The following FHIT variants were observed in gnomAD, a reference collection of about 807,000 sequenced individuals.
FHIT encodes fragile histidine triad diadenosine triphosphatase, also known as bis(5'-adenosyl)-triphosphatase.
In FHIT, 19 loss-of-function variants were observed where a neutral mutation model predicts 17.9. The observed-to-expected ratio is 1.06, with a 90% CI of 0.74 to 1.56. FHIT has a LOEUF of 1.56. Among genes scored for constraint, FHIT ranks in the 40% most tolerant of loss-of-function variants. FHIT has a pLI of 0.00. For missense variants in FHIT, 248 were observed against 189.2 expected (o/e 1.31, Z -1.82); for synonymous variants, 81 against 69.7 (o/e 1.16, Z -0.81).
At chr3:60,442,384 T>C (rs1162415189) in intron 5 of FHIT, among the ~76,000 whole-genome samples, 2 of 152,150 alleles carry the variant, frequency 1.3e-5, no homozygotes, top group African/African-American at 4.8e-5. Flanking sequence ...TAGGTTTTCT[T>C]CTAGGGTTTT....
At chr3:59,972,946 C>T (rs1056749370) in intron 7 of FHIT, among the ~76,000 whole-genome samples, 1 of 152,076 alleles carries the variant, frequency 6.6e-6, no homozygotes, top group East Asian at 1.9e-4. Flanking sequence ...CCTGACTTAT[C>T]TCTTCCTCAA....
intron 3 of FHIT, among the ~76,000 whole-genome samples, chr3:61,023,765 A>G (rs2032585317): frequency 6.6e-6 from 1 of 152,206 alleles, no homozygotes; most frequent in South Asian, 2.1e-4. Context: ...TCCCTATTTA[A>G]TAAATGGTGT....
intron 5 of FHIT, among the ~76,000 whole-genome samples, chr3:60,128,511 T>C (rs1003580836): frequency 1.3e-5 from 2 of 152,202 alleles, no homozygotes; most frequent in African/African-American, 4.8e-5. Context: ...CTCGGATATG[T>C]CTATTAGCAG....
intron 5 of FHIT, among the ~76,000 whole-genome samples, chr3:60,415,882 ATAT>A (rs66966640): frequency 0.72 from 105,421 of 145,558 alleles, 42,663 homozygotes; most frequent in Non-Finnish European, 0.92. Flanking sequence ...ATACTATTAT[ATAT>A]TATTATTACA....
chr3:60,698,081 T>C (rs1206451121), intron 4 of FHIT, among the ~76,000 whole-genome samples: 5 of 152,138 alleles, frequency 3.3e-5, no homozygotes, highest in Non-Finnish European at 5.9e-5. Context: ...ATATCCTGAA[T>C]TGCCTGCAGA....
intron 7 of FHIT, among the ~76,000 whole-genome samples, chr3:59,967,088 C>T (rs1191259696): frequency 2.0e-5 from 3 of 152,008 alleles, no homozygotes; most frequent in African/African-American, 7.2e-5. Flanking sequence ...TAGGTCTACA[C>T]AAGGTCAGGA....
At chr3:61,119,534 T>A (rs1041996152) in intron 2 of FHIT, among the ~76,000 whole-genome samples, 4 of 152,290 alleles carry the variant, frequency 2.6e-5, no homozygotes, top group Admixed American at 2.6e-4. Flanking sequence ...AATTTTACTG[T>A]CAACTTGACT....
intron 8 of FHIT, among the ~76,000 whole-genome samples, chr3:59,877,652 A>C (rs192199337): frequency 6.6e-6 from 1 of 152,342 alleles, no homozygotes; most frequent in Non-Finnish European, 1.5e-5. Flanking sequence ...ATACCAAAAG[A>C]AAAAGTAAAA....
chr3:59,829,558 G>A (rs1199799032), intron 8 of FHIT, among the ~76,000 whole-genome samples: 1 of 152,158 alleles, frequency 6.6e-6, no homozygotes, highest in Non-Finnish European at 1.5e-5. Flanking sequence ...CACTATCCTT[G>A]CAGAGGAACT....
At chr3:60,755,272 G>C (rs1336785721) in intron 4 of FHIT, among the ~76,000 whole-genome samples, 1 of 152,208 alleles carries the variant, frequency 6.6e-6, no homozygotes, top group East Asian at 1.9e-4. Context: ...TACTGGATGA[G>C]TGATGAGGAC....
intron 4 of FHIT, among the ~76,000 whole-genome samples, chr3:60,610,860 C>T (rs2038764335): frequency 6.6e-6 from 1 of 152,134 alleles, no homozygotes; most frequent in Non-Finnish European, 1.5e-5. Context: ...TGGGAGGAGG[C>T]ATGGTGCAAT....
At chr3:59,786,638 A>G (rs1699312135) in intron 8 of FHIT, among the ~76,000 whole-genome samples, 1 of 152,256 alleles carries the variant, frequency 6.6e-6, no homozygotes, top group African/African-American at 2.4e-5. Context: ...TCTGTGGCTC[A>G]TCTGTAACCT....
chr3:60,439,298 AC>A (rs1202986724), intron 5 of FHIT, among the ~76,000 whole-genome samples: 2 of 152,102 alleles, frequency 1.3e-5, no homozygotes, highest in Non-Finnish European at 2.9e-5. Context: ...TGTCCTAAAA[AC>A]ATTTAAATAG....
At chr3:60,760,049 C>G (rs1226084351) in intron 4 of FHIT, among the ~76,000 whole-genome samples, 1 of 149,030 alleles carries the variant, frequency 6.7e-6, no homozygotes, top group Non-Finnish European at 1.5e-5. Context: ...TTTTCTTTAT[C>G]TCTTTCTCTT....
At chr3:61,010,035 G>C (rs555621856) in intron 3 of FHIT, among the ~76,000 whole-genome samples, 2 of 152,056 alleles carry the variant, frequency 1.3e-5, no homozygotes, top group African/African-American at 4.8e-5. Flanking sequence ...CTACCTAAGT[G>C]GCACCTTGAA....
At chr3:60,099,154 C>T (rs761154248) in intron 5 of FHIT, among the ~76,000 whole-genome samples, 5 of 152,148 alleles carry the variant, frequency 3.3e-5, no homozygotes, top group Non-Finnish European at 7.3e-5. Context: ...TGAACATACC[C>T]CATACTTGTC....
intron 4 of FHIT, among the ~76,000 whole-genome samples, chr3:60,772,052 C>A (rs1362856290): frequency 6.6e-6 from 1 of 151,756 alleles, no homozygotes; most frequent in Non-Finnish European, 1.5e-5. Flanking sequence ...AGGTGGTGTA[C>A]AATGATTGAC....
intron 5 of FHIT, among the ~76,000 whole-genome samples, chr3:60,345,928 A>G (rs1403335578): frequency 6.6e-6 from 1 of 152,234 alleles, no homozygotes; most frequent in African/African-American, 2.4e-5. Flanking sequence ...TTGAAGATGC[A>G]TTGGTAATTT....
At chr3:60,324,497 A>T (rs1454701861) in intron 5 of FHIT, among the ~76,000 whole-genome samples, 1 of 150,640 alleles carries the variant, frequency 6.6e-6, no homozygotes, top group East Asian at 2.0e-4. Flanking sequence ...AGGCAGAAGA[A>T]TGGCCTGAAC....
Sources: allele counts gnomAD v4.1 joint callset (sites outside exome capture counted in the v4.1 genomes callset), GRCh38; gene constraint gnomAD v4.1.1; transcripts MANE v1.5; gene names NCBI Gene and HGNC (gene_info 2026-07-23, HGNC 2026-07-21).